Variants in DPEP1 observed in about 807,000 individuals in gnomAD.
The protein encoded by DPEP1 is dipeptidase 1.
A neutral mutation model predicts 42.3 loss-of-function variants in DPEP1; 50 were observed. The observed-to-expected ratio is 1.18, with a 90% CI of 0.94 to 1.50. DPEP1 has a LOEUF of 1.50. Ranked by LOEUF, DPEP1 falls within the 40% of genes most tolerant of loss-of-function variation. The pLI, the probability that DPEP1 is intolerant of heterozygous loss-of-function variation, is 0.00. For missense variants in DPEP1, 663 were observed against 553.0 expected (o/e 1.20, Z -1.99); for synonymous variants, 297 against 234.0 (o/e 1.27, Z -2.46).
downstream of DPEP1, among the ~76,000 whole-genome samples, chr16:89,638,946 C>T (rs1461813292): frequency 1.3e-5 from 1 of 75,176 alleles, no homozygotes; most frequent in Non-Finnish European, 2.6e-5. Context: ...ACATACCCCA[C>T]CCCTGCACAC....
rs111417123 is a variant in DPEP1 at position 89,637,982 on chromosome 16, G to A, written c.1065+11G>A. ...GAGGCTGTGGAACAGGTGAGGATGG[G>A]GTGGCCACCTGAGTCTCCCCCACCA... On this transcript the variant is annotated intron_variant, in intron 10 of 10. Transcript: ENST00000690203. 2.0e-3 allele frequency: 3,270 copies of A among 1,607,522 alleles called. 57 individuals carry two copies. In the African/African-American group the frequency reaches 0.037, roughly 18 times the overall value.
rs561264529 is a variant in DPEP1, at chr16:89,628,890, G to A, written c.-106-1415G>A. On this transcript the variant is annotated intron_variant, in intron 1 of 10. Transcript: ENST00000690203. Reference sequence around the variant, plus strand: ...TGCCCAGGCTGAAGTGCAGTGGCATGATCTTGGCTCACAGCAACCTCCGCC... The same window carrying A: ...TGCCCAGGCTGAAGTGCAGTGGCATAATCTTGGCTCACAGCAACCTCCGCC... Among the ~76,000 whole-genome samples the A allele has an allele frequency of 2.0e-5, 3 of 152,028 alleles. No individual in the cohort carries two copies. In the South Asian group the frequency reaches 6.3e-4, roughly 32 times the overall value.
rs764229870 is a variant in DPEP1 at position 89,635,952 on chromosome 16, G to A, written c.149G>A (p.Arg50Gln). The A allele has an allele frequency of 2.7e-5, 43 of 1,611,904 alleles. 1 individual carries two copies. The Middle Eastern group carries it at 1.2e-3, about 43-fold the overall frequency. ...PWQLLDMFNN[R>Q]LQDERANLTT... Reference sequence around the variant, plus strand: ...CAGCTGCTGGATATGTTCAACAACCGGCTGCAGGACGAGAGGGCCAACCTG... The same window carrying A: ...CAGCTGCTGGATATGTTCAACAACCAGCTGCAGGACGAGAGGGCCAACCTG... The change falls in exon 3 of 11, where the codon CGG (arginine) becomes CAG (glutamine). Residue 50 changes from arginine (R) to glutamine (Q), a missense_variant. Transcript: ENST00000690203.
intron 1 of DPEP1, among the ~76,000 whole-genome samples, chr16:89,626,112 G>A (rs2059508010): frequency 6.6e-6 from 1 of 152,176 alleles, no homozygotes; most frequent in Non-Finnish European, 1.5e-5. Context: ...GAGGCCCTGA[G>A]ATTCTTGCGA....
chr16:89,614,546 A>G (rs1039900520), intron 1 of DPEP1, among the ~76,000 whole-genome samples: 46 of 152,166 alleles, frequency 3.0e-4, no homozygotes, highest in Admixed American at 1.2e-3. Context: ...TGTAATCCCC[A>G]CACTGTGGGA....
rs375810204 is a variant in DPEP1 at position 89,636,835 on chromosome 16, C to A, written c.522-31C>A. On this transcript the variant is annotated intron_variant, in intron 5 of 10. Coordinates refer to ENST00000690203, the MANE Select transcript of DPEP1 (RefSeq NM_001389466.1). ...GATGGGAGGCCGAGACCACCGCTCA[C>A]CTCTTGGGCACCTGCCTTTTGCTTC... 31 of 1,611,838 alleles carry A rather than the reference C, an allele frequency of 1.9e-5. No homozygotes were observed. The African/African-American group carries it at 3.7e-4, about 19-fold the overall frequency.
Position 89,637,264 on chromosome 16 carries a change from G to T in DPEP1, c.652G>T (p.Ala218Ser), listed in dbSNP as rs756070130. The T allele has an allele frequency of 1.2e-6, 2 of 1,612,756 alleles. No individual in the cohort carries two copies. Among genetic ancestry groups the T allele is most frequent in the Non-Finnish European group, 1.7e-6 (2 of 1,179,966 alleles). Residue 218 changes from alanine (A) to serine (S), a missense_variant, in exon 7 of 11, where the codon GCC becomes TCC. Transcript: ENST00000690203. ...CATCGACTTGGCTCACGTGTCTGTG[G>T]CCACCATGAAGGCCACCCTGCAGCT... ...VLIDLAHVSV[A>S]TMKATLQLSR... is the part of the protein sequence containing the mutation.
chr16:89,636,385 C>T lies in DPEP1; in HGVS notation c.359C>T (p.Thr120Ile). Residue 120 changes from threonine (T) to isoleucine (I), a missense_variant, in exon 4 of 11, where the codon ACC becomes ATC. By Grantham distance (89) the Thr-to-Ile change is moderately conservative (BLOSUM62 -1). Transcript: ENST00000690203. ...RMYPETFLYV[T>I]SSAGIRQAFR... is the part of the protein sequence containing the mutation. ...TACCCGGAGACCTTCCTGTATGTCACCAGCAGTGCAGGTGGGGTCCTGACC... is the reference window on the plus strand; with the variant it reads ...TACCCGGAGACCTTCCTGTATGTCATCAGCAGTGCAGGTGGGGTCCTGACC... 1 of 1,611,926 alleles carries T rather than the reference C, an allele frequency of 6.2e-7. No homozygotes were observed. Among genetic ancestry groups the T allele is most frequent in the East Asian group, 2.2e-5 (1 of 44,874 alleles).
At chr16:89,617,875 T>C (rs2059397758) in intron 1 of DPEP1, among the ~76,000 whole-genome samples, 1 of 151,484 alleles carries the variant, frequency 6.6e-6, no homozygotes, top group Non-Finnish European at 1.5e-5. Context: ...AATACAAAAA[T>C]TAGCTGTGTG....
intron 5 of DPEP1, 75 bp from the exon 6 acceptor site, chr16:89,636,791 G>A (rs776400471): frequency 2.0e-5 from 32 of 1,602,654 alleles, no homozygotes; most frequent in South Asian, 4.4e-5. Flanking sequence ...GTCCCAGGCC[G>A]GGCCTCGCCT....
intron 2 of DPEP1, among the ~76,000 whole-genome samples, chr16:89,635,243 C>A (rs1274134869): frequency 6.6e-6 from 1 of 150,980 alleles, no homozygotes; most frequent in Non-Finnish European, 1.5e-5. Flanking sequence ...TTTTTCCTCA[C>A]GAGAGCTCCT....
At chr16:89,634,686 C>T in intron 2 of DPEP1, among the ~76,000 whole-genome samples, 1 of 82,772 alleles carries the variant, frequency 1.2e-5, no homozygotes, top group Admixed American at 1.1e-4. Context: ...CCTTCCTTCT[C>T]CTTTCCCTTC....
intron 2 of DPEP1, among the ~76,000 whole-genome samples, chr16:89,632,035 G>T (rs1037690290): frequency 6.6e-6 from 1 of 152,098 alleles, no homozygotes; most frequent in Non-Finnish European, 1.5e-5. Context: ...GACTGTCAGG[G>T]TCAGGTTTTT....
At chr16:89,624,423 G>T (rs372916515) in intron 1 of DPEP1, among the ~76,000 whole-genome samples, 4 of 152,130 alleles carry the variant, frequency 2.6e-5, no homozygotes, top group Non-Finnish European at 4.4e-5. Context: ...TGGACAAAAC[G>T]TGCAAAGTAA....
chr16:89,627,955 C>T (rs1017488620), intron 1 of DPEP1, among the ~76,000 whole-genome samples: 9 of 152,130 alleles, frequency 5.9e-5, no homozygotes, highest in African/African-American at 2.2e-4. Flanking sequence ...CGGAGTCTCG[C>T]TCTTTCGCCC....
downstream of DPEP1, among the ~76,000 whole-genome samples, chr16:89,638,643 C>T (rs1287626491): frequency 2.6e-5 from 4 of 151,122 alleles, no homozygotes; most frequent in African/African-American, 7.3e-5. Flanking sequence ...TCCAGCCATG[C>T]ACCGGTGCAC....
chr16:89,638,153 C>T lies in DPEP1; in HGVS notation c.1167C>T (p.Ser389=), dbSNP rs1269336768. ...THYGYSSGAS[S]LHRHWGLLLA... is the part of the protein sequence containing the mutation. ...ACGGCTACTCCTCTGGGGCTTCCAGCCTCCATCGCCACTGGGGGCTCCTGC... is the reference window on the plus strand; with the variant it reads ...ACGGCTACTCCTCTGGGGCTTCCAGTCTCCATCGCCACTGGGGGCTCCTGC... The change falls in exon 11 of 11, where the codon AGC becomes AGT. Residue 389 remains serine (S), a synonymous_variant. Transcript: ENST00000690203. The T allele has an allele frequency of 2.5e-6, 4 of 1,609,978 alleles. No individual in the cohort carries two copies. Among genetic ancestry groups the T allele is most frequent in the South Asian group, 2.2e-5 (2 of 90,950 alleles).
chr16:89,637,462 G>C lies in DPEP1; in HGVS notation c.769-6G>C. 6.2e-7 allele frequency: 1 copy of C among 1,612,826 alleles called. No homozygotes were observed. The highest frequency in any genetic ancestry group is 1.7e-4 in the Middle Eastern group (1 of 6,060). ...TCAGCTTCACCCTGTCTTCCTTCTT[G>C]TGCAGAAACAGACAGACAGCCTGGT... On this transcript the variant is annotated splice_region_variant and splice_polypyrimidine_tract_variant and intron_variant, in intron 7 of 10. Transcript: ENST00000690203.
Position 89,636,037 on chromosome 16 carries a change from C to A in DPEP1, c.234C>A (p.Gly78=). Residue 78 remains glycine, a synonymous_variant, in exon 3 of 11, where the codon GGC becomes GGA. Coordinates refer to ENST00000690203, the MANE Select transcript of DPEP1 (RefSeq NM_001389466.1). ...IPKLRAGFVG[G]QFWSVYTPCD... is the part of the protein sequence containing the mutation. ...AGCTGAGGGCCGGCTTTGTGGGAGGCCAGGTACCGCCTGCCCTGCCTTGTG... is the reference window on the plus strand; with the variant it reads ...AGCTGAGGGCCGGCTTTGTGGGAGGACAGGTACCGCCTGCCCTGCCTTGTG... The A allele has an allele frequency of 6.2e-7, 1 of 1,606,124 alleles. No individual in the cohort carries two copies. The highest frequency in any genetic ancestry group is 1.1e-5 in the South Asian group (1 of 90,050).
Sources: allele counts gnomAD v4.1 joint callset (sites outside exome capture counted in the v4.1 genomes callset), GRCh38; gene constraint gnomAD v4.1.1; transcripts MANE v1.5; gene names NCBI Gene and HGNC (gene_info 2026-07-23, HGNC 2026-07-21).